Variants in MAST4 observed in about 807,000 individuals in gnomAD.
The protein encoded by MAST4 is microtubule-associated serine/threonine-protein kinase 4.
MAST4 carries 89 observed loss-of-function variants against 162.7 expected under a neutral mutation model. That is an observed-to-expected ratio of 0.55 (90% CI 0.46 to 0.65). The LOEUF (loss-of-function observed/expected upper bound fraction) is 0.65, where lower values mean the gene tolerates loss of function less well. Among genes scored for constraint, MAST4 ranks in the 30% least tolerant of loss-of-function variants. The probability of loss-of-function intolerance (pLI) is 0.00; values close to 1 mark genes in which losing one functional copy is unlikely to be tolerated. For synonymous variants in MAST4, 1,479 were observed against 1,361.1 expected (o/e 1.09, Z -1.91); for missense variants, 3,153 against 3,374.0 (o/e 0.93, Z 1.62).
At chr5:67,077,869 A>G (rs1409455300) in intron 5 of MAST4, among the ~76,000 whole-genome samples, 1 of 152,084 alleles carries the variant, frequency 6.6e-6, no homozygotes, top group Non-Finnish European at 1.5e-5. Flanking sequence ...GGAGGCCGAG[A>G]TGGGTGGATC....
At chr5:66,902,483 A>G (rs577031427) in intron 4 of MAST4, among the ~76,000 whole-genome samples, 1 of 152,216 alleles carries the variant, frequency 6.6e-6, no homozygotes, top group Non-Finnish European at 1.5e-5. Context: ...GAAAGCTTTC[A>G]GAAGTGAAAG....
intron 3 of MAST4, among the ~76,000 whole-genome samples, chr5:66,795,355 G>A (rs1755599543): frequency 6.6e-6 from 1 of 152,194 alleles, no homozygotes; most frequent in Admixed American, 6.5e-5. Context: ...ATGGTGGTGA[G>A]TGGATTTTAA....
intron 1 of MAST4, among the ~76,000 whole-genome samples, chr5:66,645,057 A>G (rs1042246019): frequency 9.2e-5 from 14 of 152,056 alleles, no homozygotes; most frequent in African/African-American, 3.4e-4. Flanking sequence ...AGTCAAACAG[A>G]AAGTGTTGAG....
At chr5:66,830,399 A>G (rs1253733519) in intron 3 of MAST4, among the ~76,000 whole-genome samples, 1 of 152,182 alleles carries the variant, frequency 6.6e-6, no homozygotes, top group Non-Finnish European at 1.5e-5. Context: ...ATTATTTTTC[A>G]TTAATTAAAA....
intron 2 of MAST4, among the ~76,000 whole-genome samples, chr5:66,767,169 A>ATG (rs1754134107): frequency 1.3e-5 from 1 of 79,074 alleles, no homozygotes; most frequent in Non-Finnish European, 2.5e-5. Context: ...TGTAAAGTGC[A>ATG]CGTGTGTGTG....
chr5:66,604,045 G>T (rs1162360890), intron 1 of MAST4, among the ~76,000 whole-genome samples: 1 of 152,152 alleles, frequency 6.6e-6, no homozygotes, highest in Non-Finnish European at 1.5e-5. Context: ...AGAATTCCTA[G>T]GAGGGATTGG....
At chr5:67,002,987 T>A (rs1379300346) in intron 4 of MAST4, among the ~76,000 whole-genome samples, 1 of 149,834 alleles carries the variant, frequency 6.7e-6, no homozygotes, top group Non-Finnish European at 1.5e-5. Context: ...TTGCTAAACA[T>A]CCTCCAATGC....
Position 66,771,024 on chromosome 5 carries a change from A to C in MAST4, c.517+11162A>C, listed in dbSNP as rs530914678. The stretch of plus-strand genomic sequence containing the variant: ...TTATCAGCTGCAAAATATGTTGGCT[A>C]TCTGGACCTTTGGCTCGGTGTGTTA... On this transcript the variant is annotated intron_variant, in intron 2 of 28. Transcript: ENST00000403625. Among the ~76,000 whole-genome samples the C allele has an allele frequency of 2.6e-5, 4 of 152,308 alleles. No individual in the cohort carries two copies. The South Asian group carries it at 8.3e-4, about 32-fold the overall frequency.
chr5:66,747,097 G>GGTGTGTGT (rs138318051), intron 1 of MAST4, among the ~76,000 whole-genome samples: 187 of 146,102 alleles, frequency 1.3e-3, no homozygotes, highest in African/African-American at 2.9e-3. Flanking sequence ...GCATGCGCAT[G>GGTGTGTGT]GTGTGTGTGT....
At chr5:66,859,339 A>T (rs258091) in intron 3 of MAST4, among the ~76,000 whole-genome samples, 108,779 of 152,042 alleles carry the variant, frequency 0.72, 39,552 homozygotes, top group Non-Finnish European at 0.79. Context: ...TTTGGTATTT[A>T]GACATTCCTT....
chr5:66,658,990 C>CTAG (rs1746728578), intron 1 of MAST4, among the ~76,000 whole-genome samples: 1 of 152,098 alleles, frequency 6.6e-6, no homozygotes, highest in Non-Finnish European at 1.5e-5. Context: ...CCACTGCACT[C>CTAG]CAGCCTGAGC....
chr5:67,090,349 A>T, intron 6 of MAST4, 118 bp downstream of exon 6: 1 of 332,822 alleles, frequency 3.0e-6, no homozygotes, highest in South Asian at 2.5e-5. Flanking sequence ...CCCCCTCCCC[A>T]CTTCCCCTTC....
chr5:67,046,734 C>A (rs1185264330), intron 4 of MAST4, among the ~76,000 whole-genome samples: 1 of 152,132 alleles, frequency 6.6e-6, no homozygotes, highest in Non-Finnish European at 1.5e-5. Context: ...TATATATTTT[C>A]CTATTGACTT....
intron 4 of MAST4, among the ~76,000 whole-genome samples, chr5:66,984,598 T>G (rs17218390): frequency 1.3e-5 from 2 of 152,088 alleles, no homozygotes; most frequent in African/African-American, 2.4e-5. Context: ...CCCTGGTTTC[T>G]GTGTAGAGGG....
chr5:66,628,642 G>A (rs990649262), intron 1 of MAST4, among the ~76,000 whole-genome samples: 3 of 151,986 alleles, frequency 2.0e-5, no homozygotes, highest in Non-Finnish European at 2.9e-5. Flanking sequence ...GTAGAGGGGC[G>A]GGGGGAAAGT....
rs1161535788 is a variant in MAST4 at position 67,130,209 on chromosome 5, G to A, written c.1746-1G>A. On this transcript the variant is annotated splice_acceptor_variant, in intron 14 of 28. Transcript: ENST00000403625. LOFTEE classifies it high-confidence loss of function. ...ACCCCAATACTTCTGCTCCTTTTCAGGGCAGTCTACTTTGTTCGGCATAAA... is the reference window on the plus strand; with the variant it reads ...ACCCCAATACTTCTGCTCCTTTTCAAGGCAGTCTACTTTGTTCGGCATAAA... 2 of 1,609,828 alleles carry A rather than the reference G, an allele frequency of 1.2e-6. No homozygotes were observed. Among genetic ancestry groups the A allele is most frequent in the Non-Finnish European group, 1.7e-6 (2 of 1,177,798 alleles).
intron 5 of MAST4, among the ~76,000 whole-genome samples, chr5:67,075,877 T>C (rs957837672): frequency 6.6e-6 from 1 of 152,222 alleles, no homozygotes; most frequent in Non-Finnish European, 1.5e-5. Flanking sequence ...AATAACCAAA[T>C]GTAGATCTTG....
At chr5:66,629,950 A>G (rs1360956439) in intron 1 of MAST4, among the ~76,000 whole-genome samples, 3 of 152,200 alleles carry the variant, frequency 2.0e-5, no homozygotes, top group Non-Finnish European at 2.9e-5. Flanking sequence ...CAAAGGATGG[A>G]GTGGTGGGCT....
intron 1 of MAST4, among the ~76,000 whole-genome samples, chr5:66,695,397 A>G (rs1186120243): frequency 2.6e-5 from 4 of 152,162 alleles, no homozygotes; most frequent in East Asian, 1.9e-4. Context: ...TACCAGTACT[A>G]TACCGTTTTG....
Sources: gnomAD v4.1 joint callset for allele counts (sites outside exome capture counted in the v4.1 genomes callset) on GRCh38, gnomAD v4.1.1 for gene constraint, MANE v1.5 for transcripts, NCBI Gene and HGNC (gene_info 2026-07-23, HGNC 2026-07-21) for gene names.